The following KCNIP4 variants were observed in gnomAD, a reference collection of about 807,000 sequenced individuals.
The protein encoded by KCNIP4 is potassium voltage-gated channel interacting protein 4.
A neutral mutation model predicts 34.0 loss-of-function variants in KCNIP4; 12 were observed. That is an observed-to-expected ratio of 0.35 (90% CI 0.23 to 0.57). KCNIP4 has a LOEUF of 0.57. KCNIP4 is among the 20% of genes least tolerant of loss of function. The probability of loss-of-function intolerance (pLI) is 0.83; values close to 1 mark genes in which losing one functional copy is unlikely to be tolerated. For missense variants in KCNIP4, 238 were observed against 311.7 expected, an observed-to-expected ratio of 0.76 and a Z score of 1.78; for synonymous variants, 124 against 102.2, an observed-to-expected ratio of 1.21 and a Z score of -1.29.
chr4:20,917,987 T>C (rs1341321187), intron 1 of KCNIP4, among the ~76,000 whole-genome samples: 1 of 152,184 alleles, frequency 6.6e-6, no homozygotes, highest in Non-Finnish European at 1.5e-5. Context: ...TAAGACCTTT[T>C]CATTTGATTT....
chr4:21,550,409 A>G (rs1020666064), intron 1 of KCNIP4, among the ~76,000 whole-genome samples: 1 of 152,128 alleles, frequency 6.6e-6, no homozygotes, highest in Non-Finnish European at 1.5e-5. Context: ...CCCCATGGTC[A>G]CAACAAATTA....
At position 21,938,664 on chromosome 4, in the gene KCNIP4, C is replaced by T. The variant is rs115808739; in HGVS notation, c.61+9907G>A. ...TGTGTTCCTTCAGCTTATTATTTCA[C>T]AGAAGACAAGGACTGCACCTACTGA... On this transcript the variant is annotated intron_variant, in intron 1 of 8. Coordinates refer to ENST00000382152, the MANE Select transcript of KCNIP4 (RefSeq NM_025221.6). 7.3e-3 allele frequency among the ~76,000 whole-genome samples: 1,115 copies of T among 152,206 alleles called. 16 individuals are homozygous for T. Among genetic ancestry groups the T allele is most frequent in the African/African-American group, 0.025 (1,058 of 41,538 alleles).
At position 21,398,326 on chromosome 4, in the gene KCNIP4, CT is replaced by C. The variant is rs534743421; in HGVS notation, c.62-515618del. On this transcript the variant is annotated intron_variant, in intron 1 of 8. Coordinates refer to ENST00000382152, the MANE Select transcript of KCNIP4 (RefSeq NM_025221.6). ...TTAGATTCATTACGTTAAAATTGAA[CT>C]TAATTCCTTTAATCTGAAAATTTCA... 3.5e-3 allele frequency among the ~76,000 whole-genome samples: 534 copies of C among 152,260 alleles called. 2 individuals are homozygous for C. Among genetic ancestry groups the C allele is most frequent in the African/African-American group, 0.012 (514 of 41,568 alleles).
chr4:21,421,961 T>G (rs1725487622), intron 1 of KCNIP4, among the ~76,000 whole-genome samples: 1 of 152,200 alleles, frequency 6.6e-6, no homozygotes, highest in Admixed American at 6.5e-5. Flanking sequence ...TTTTCAATAT[T>G]ATCTGTAGTC....
At chr4:21,811,929 A>G (rs1489556408) in intron 1 of KCNIP4, among the ~76,000 whole-genome samples, 1 of 152,232 alleles carries the variant, frequency 6.6e-6, no homozygotes, top group Non-Finnish European at 1.5e-5. Context: ...GGTTGCCTTG[A>G]AATTCTAAAT....
chr4:21,278,384 ATTG>A (rs1762567103), intron 1 of KCNIP4, among the ~76,000 whole-genome samples: 1 of 151,722 alleles, frequency 6.6e-6, no homozygotes, highest in South Asian at 2.1e-4. Context: ...CCCAGTGTCT[ATTG>A]TTCCCCTCTC....
chr4:21,536,173 G>A (rs908658289), intron 1 of KCNIP4, among the ~76,000 whole-genome samples: 2 of 152,116 alleles, frequency 1.3e-5, no homozygotes, highest in Non-Finnish European at 2.9e-5. Flanking sequence ...GTCAACAAGA[G>A]AAAACCAGGC....
At chr4:20,938,829 C>G (rs904484857) in intron 1 of KCNIP4, among the ~76,000 whole-genome samples, 7 of 152,214 alleles carry the variant, frequency 4.6e-5, no homozygotes, top group Admixed American at 6.5e-5. Flanking sequence ...AAAAGACACA[C>G]ATGCCTCTGA....
At position 21,714,024 on chromosome 4, in the gene KCNIP4, A is replaced by G. The variant is rs117632754; in HGVS notation, c.61+234547T>C. 5.1e-3 allele frequency among the ~76,000 whole-genome samples: 777 copies of G among 152,318 alleles called. 22 individuals carry two copies. Among genetic ancestry groups the G allele is most frequent in the Admixed American group, 0.035 (541 of 15,296 alleles). ...ATTATAATAATCCTGAAGTGATTCT[A>G]TACTGGATATATTGTGTGTAAATAC... On this transcript the variant is annotated intron_variant, in intron 1 of 8. Coordinates refer to ENST00000382152, the MANE Select transcript of KCNIP4 (RefSeq NM_025221.6).
intron 1 of KCNIP4, among the ~76,000 whole-genome samples, chr4:21,123,941 A>C (rs1162641522): frequency 6.6e-6 from 1 of 152,162 alleles, no homozygotes; most frequent in Non-Finnish European, 1.5e-5. Flanking sequence ...CAGAACTGTG[A>C]GAAAATAAAT....
At chr4:20,870,524 C>T (rs1372362600) in intron 2 of KCNIP4, among the ~76,000 whole-genome samples, 3 of 151,978 alleles carry the variant, frequency 2.0e-5, no homozygotes, top group Admixed American at 6.6e-5. Flanking sequence ...ATACACATGG[C>T]GAGAGTAATT....
At chr4:21,111,695 T>A (rs2109104030) in intron 1 of KCNIP4, among the ~76,000 whole-genome samples, 1 of 152,324 alleles carries the variant, frequency 6.6e-6, no homozygotes, top group South Asian at 2.1e-4. Context: ...ATGCTTCCTG[T>A]GGACGCTGCC....
chr4:21,005,939 G>A (rs1009534928), intron 1 of KCNIP4, among the ~76,000 whole-genome samples: 4 of 152,160 alleles, frequency 2.6e-5, no homozygotes, highest in African/African-American at 9.7e-5. Context: ...AACTTTGGTT[G>A]ATCTACTCAT....
At chr4:21,799,594 G>A (rs894433930) in intron 1 of KCNIP4, among the ~76,000 whole-genome samples, 45 of 152,164 alleles carry the variant, frequency 3.0e-4, no homozygotes, top group East Asian at 2.5e-3. Context: ...ACTTTAACAC[G>A]TTAAAAACAA....
chr4:20,872,384 G>A (rs1242473878), intron 2 of KCNIP4, among the ~76,000 whole-genome samples: 1 of 152,040 alleles, frequency 6.6e-6, no homozygotes, highest in African/African-American at 2.4e-5. Flanking sequence ...ATCAAGAATT[G>A]CTGCCTGTCA....
chr4:21,909,326 C>T (rs1231023762), intron 1 of KCNIP4, among the ~76,000 whole-genome samples: 2 of 152,052 alleles, frequency 1.3e-5, no homozygotes, highest in Non-Finnish European at 2.9e-5. Flanking sequence ...CTTCAGTCAG[C>T]CCAGGCTTCT....
intron 1 of KCNIP4, among the ~76,000 whole-genome samples, chr4:21,388,085 C>G (rs1030952371): frequency 4.6e-5 from 2 of 43,670 alleles, no homozygotes; most frequent in Non-Finnish European, 1.2e-4. Flanking sequence ...TGAGAATAGG[C>G]TCCTGAGAAA....
chr4:21,040,894 A>G (rs1741896263), intron 1 of KCNIP4, among the ~76,000 whole-genome samples: 2 of 150,624 alleles, frequency 1.3e-5, no homozygotes, highest in South Asian at 2.1e-4. Flanking sequence ...CACTTATTAC[A>G]TTATTTTGGT....
At chr4:21,556,445 G>T (rs1739016591) in intron 1 of KCNIP4, among the ~76,000 whole-genome samples, 2 of 152,206 alleles carry the variant, frequency 1.3e-5, no homozygotes, top group South Asian at 4.1e-4. Flanking sequence ...GGTTTACAAA[G>T]GAATTGCAAA....
Sources: gnomAD v4.1 joint callset for allele counts (sites outside exome capture counted in the v4.1 genomes callset) on GRCh38, gnomAD v4.1.1 for gene constraint, MANE v1.5 for transcripts, NCBI Gene and HGNC (gene_info 2026-07-23, HGNC 2026-07-21) for gene names.